Variants in NELL1 observed in about 807,000 individuals in gnomAD.
NELL1 encodes the protein neural EGFL like 1, also known as protein kinase C-binding protein NELL1.
In NELL1, 76 loss-of-function variants were observed where a neutral mutation model predicts 107.4. The ratio of observed to expected loss-of-function variants is 0.71; its 90% CI spans 0.59 to 0.86. The LOEUF (loss-of-function observed/expected upper bound fraction) is 0.86. Ranked by LOEUF, NELL1 falls within the 40% of genes least tolerant of loss-of-function variation. The probability of loss-of-function intolerance (pLI) is 0.00; values close to 1 mark genes in which losing one functional copy is unlikely to be tolerated. For missense variants in NELL1, 1,024 were observed against 1,005.5 expected, an observed-to-expected ratio of 1.02 and a Z score of -0.25; for synonymous variants, 353 against 341.2, an observed-to-expected ratio of 1.03 and a Z score of -0.38.
At chr11:21,328,913 T>C (rs1035339222) in intron 14 of NELL1, among the ~76,000 whole-genome samples, 1 of 152,184 alleles carries the variant, frequency 6.6e-6, no homozygotes, top group Non-Finnish European at 1.5e-5. Context: ...CCCATACCTC[T>C]ATTATATCTA....
chr11:20,779,252 G>A (rs929699606), intron 2 of NELL1, among the ~76,000 whole-genome samples: 1 of 152,178 alleles, frequency 6.6e-6, no homozygotes, highest in South Asian at 2.1e-4. Flanking sequence ...TGACATGACT[G>A]TCATTCTGAA....
At chr11:21,303,471 C>A (rs780693228) in intron 14 of NELL1, among the ~76,000 whole-genome samples, 22 of 151,936 alleles carry the variant, frequency 1.4e-4, no homozygotes, top group Non-Finnish European at 2.9e-5. Flanking sequence ...GTCAAAAAGC[C>A]TAATGGGTTT....
intron 13 of NELL1, among the ~76,000 whole-genome samples, chr11:21,139,219 A>T (rs1164452730): frequency 1.3e-5 from 2 of 152,108 alleles, no homozygotes; most frequent in Non-Finnish European, 2.9e-5. Context: ...CCATTTTCTC[A>T]CTTGCCTTTG....
intron 12 of NELL1, among the ~76,000 whole-genome samples, chr11:20,997,031 CTT>C (rs1554956246): frequency 6.6e-6 from 1 of 151,974 alleles, no homozygotes; most frequent in African/African-American, 2.4e-5. Context: ...TGCAAAAAAA[CTT>C]TATCCTAAAG....
At chr11:21,501,659 T>G (rs1195846104) in intron 15 of NELL1, among the ~76,000 whole-genome samples, 1 of 152,200 alleles carries the variant, frequency 6.6e-6, no homozygotes, top group Admixed American at 6.5e-5. Context: ...TACAAATATG[T>G]CATGAATGAC....
At chr11:21,399,342 G>A (rs1271175312) in intron 15 of NELL1, among the ~76,000 whole-genome samples, 1 of 151,474 alleles carries the variant, frequency 6.6e-6, no homozygotes, top group South Asian at 2.1e-4. Context: ...TGCTATTTAG[G>A]TATTGCAATG....
chr11:21,495,064 G>A (rs1451279585), intron 15 of NELL1, among the ~76,000 whole-genome samples: 3 of 152,018 alleles, frequency 2.0e-5, no homozygotes, highest in African/African-American at 7.2e-5. Context: ...GAGTAAATCA[G>A]TTTTTCAAAG....
intron 2 of NELL1, among the ~76,000 whole-genome samples, chr11:20,762,252 C>T (rs758770618): frequency 4.2e-4 from 64 of 152,236 alleles, no homozygotes; most frequent in Non-Finnish European, 8.7e-4. Context: ...TGGGGTATTG[C>T]GAGGGAGACA....
At chr11:21,265,790 G>A (rs1848622666) in intron 14 of NELL1, among the ~76,000 whole-genome samples, 2 of 151,908 alleles carry the variant, frequency 1.3e-5, no homozygotes, top group Non-Finnish European at 2.9e-5. Flanking sequence ...TTTTAAGGTA[G>A]TATCTTTCTG....
chr11:20,709,430 T>C (rs1257207782), intron 2 of NELL1, among the ~76,000 whole-genome samples: 5 of 152,240 alleles, frequency 3.3e-5, no homozygotes. Flanking sequence ...CCATGCTGTT[T>C]TGTTAACTAT....
intron 3 of NELL1, among the ~76,000 whole-genome samples, chr11:20,806,252 TTGTGTGTGTG>T (rs3045512): frequency 3.9e-4 from 58 of 148,700 alleles, no homozygotes; most frequent in Middle Eastern, 3.4e-3. Flanking sequence ...TGTGAAGCAT[TTGTGTGTGTG>T]TGTGTGTGTG....
chr11:20,949,352 A>G (rs897629013), intron 11 of NELL1, among the ~76,000 whole-genome samples: 36 of 152,230 alleles, frequency 2.4e-4, no homozygotes, highest in African/African-American at 8.4e-4. Context: ...CTATGACATC[A>G]GAATATCTTC....
chr11:21,093,582 C>T (rs187199239), intron 12 of NELL1, among the ~76,000 whole-genome samples: 56 of 152,216 alleles, frequency 3.7e-4, no homozygotes, highest in Admixed American at 9.2e-4. Context: ...TAAAGACATA[C>T]GAGAGACTGG....
rs1849713007 is a variant in NELL1 at position 20,895,450 on chromosome 11, T to C, written c.603+9910T>C. ...GCTCTCTATCTTTCCACTCTCTAGC[T>C]GTGTATTCAAATTTTTTAGCTCCCA... On this transcript the variant is annotated intron_variant, in intron 5 of 19. Coordinates refer to ENST00000357134, the MANE Select transcript of NELL1 (RefSeq NM_006157.5). 2.0e-5 allele frequency among the ~76,000 whole-genome samples: 3 copies of C among 150,990 alleles called. No individual in the cohort carries two copies. In the South Asian group the frequency reaches 6.3e-4, roughly 32 times the overall value.
At chr11:21,073,744 T>C (rs1441485790) in intron 12 of NELL1, among the ~76,000 whole-genome samples, 11 of 152,192 alleles carry the variant, frequency 7.2e-5, no homozygotes, top group Non-Finnish European at 1.5e-4. Context: ...ACATTAAAAG[T>C]AGTTGAGTTG....
At chr11:21,448,419 C>T (rs73461282) in intron 15 of NELL1, among the ~76,000 whole-genome samples, 4,676 of 152,106 alleles carry the variant, frequency 0.031, 238 homozygotes, top group African/African-American at 0.1. Context: ...TTGCTAACTA[C>T]GTTAAAATTA....
chr11:21,111,568 G>A (rs1322451190), intron 12 of NELL1, among the ~76,000 whole-genome samples: 3 of 152,038 alleles, frequency 2.0e-5, no homozygotes, highest in African/African-American at 4.8e-5. Context: ...CAGGTATATG[G>A]TGGCTTGCTC....
rs572722041 is a variant in NELL1, at chr11:20,871,462, TTATC to T, written c.507-13974_507-13971del. 5.3e-5 allele frequency among the ~76,000 whole-genome samples: 8 copies of T among 152,368 alleles called. No individual in the cohort carries two copies. In the South Asian group the frequency reaches 1.2e-3, roughly 24 times the overall value. On this transcript the variant is annotated intron_variant, in intron 4 of 19. Transcript: ENST00000357134. ...AAATTTACTGGTGTCTGCCTATATA[TTATC>T]TATCTATGTATCTATCTATCTAATC...
chr11:20,779,036 G>T (rs1392079744), intron 2 of NELL1, among the ~76,000 whole-genome samples: 1 of 152,140 alleles, frequency 6.6e-6, no homozygotes, highest in Non-Finnish European at 1.5e-5. Context: ...AACGAAAAGG[G>T]AGGGGGCTCA....
Sources: gnomAD v4.1 joint callset for allele counts (sites outside exome capture counted in the v4.1 genomes callset) on GRCh38, gnomAD v4.1.1 for gene constraint, MANE v1.5 for transcripts, NCBI Gene and HGNC (gene_info 2026-07-23, HGNC 2026-07-21) for gene names.